ZBTB44: variants seen among roughly 807,000 people sequenced by gnomAD.
ZBTB44 encodes the protein zinc finger and BTB domain-containing protein 44.
ZBTB44 carries 15 observed loss-of-function variants against 54.0 expected under a neutral mutation model. The observed-to-expected ratio is 0.28, with a 90% confidence interval of 0.19 to 0.43. ZBTB44 has a LOEUF of 0.43. ZBTB44 is among the 20% of genes least tolerant of loss of function. The probability of loss-of-function intolerance (pLI) is 1.00; values close to 1 mark genes in which losing one functional copy is unlikely to be tolerated. For missense variants in ZBTB44, 487 were observed against 707.1 expected (o/e 0.69, Z 3.53); for synonymous variants, 230 against 250.1 (o/e 0.92, Z 0.76).
intron 1 of ZBTB44, among the ~76,000 whole-genome samples, chr11:130,268,463 T>A (rs1159642664): frequency 2.0e-5 from 3 of 152,110 alleles, no homozygotes; most frequent in Non-Finnish European, 4.4e-5. Context: ...TTTAAGATAT[T>A]TGAAAAATGT....
rs184994792 is a variant in ZBTB44 at position 130,229,952 on chromosome 11, A to G, written c.*1812T>C. 6.6e-6 allele frequency: 1 copy of G among 152,242 alleles called. No individual in the cohort carries two copies. The highest frequency in any genetic ancestry group is 2.4e-5 in the African/African-American group (1 of 41,570). The allele number at this position is 152,242 out of a possible 1,614,324, so 9.4% of individuals were successfully genotyped here. The stretch of plus-strand genomic sequence containing the variant: ...TCACTTGGATGTGTATTTCAGAATT[A>G]CAGCTTCATACTTTGCAGATGACTG... On this transcript the variant is annotated 3_prime_UTR_variant, in exon 8 of 8. Transcript: ENST00000357899.
chr11:130,241,755 A>T (rs1954372674), intron 2 of ZBTB44, among the ~76,000 whole-genome samples: 1 of 151,696 alleles, frequency 6.6e-6, no homozygotes, highest in African/African-American at 2.4e-5. Context: ...TCTTGTTTTT[A>T]AAAAATCTTT....
In ZBTB44 at chr11:130,233,847, C is replaced by T. The variant is rs566366331; in HGVS notation, c.1686+309G>A. On this transcript the variant is annotated intron_variant, in intron 6 of 7. Coordinates refer to ENST00000357899, the MANE Select transcript of ZBTB44 (RefSeq NM_001301098.2). Reference sequence around the variant, plus strand: ...GAAAAATAAAATCAGTTTCAGGGCTCAGAAAGTAAAAAGGGAAATTCTTTC... The same window carrying T: ...GAAAAATAAAATCAGTTTCAGGGCTTAGAAAGTAAAAAGGGAAATTCTTTC... 1.0e-3 allele frequency: 1,169 copies of T among 1,174,268 alleles called. 8 individuals are homozygous for T. In the African/African-American group the frequency reaches 0.018, roughly 18 times the overall value. The allele number at this position is 1,174,268 out of a possible 1,614,324, so 72.7% of individuals were successfully genotyped here. A position where few individuals can be genotyped will look rare whatever the true frequency, so the allele number is the denominator to read the frequency against.
At chr11:130,296,361 A>C in intron 1 of ZBTB44, 1 of 1,538,204 alleles carries the variant, frequency 6.5e-7, no homozygotes, top group Non-Finnish European at 8.8e-7. Context: ...TATGTCCGTG[A>C]AATACCACTA....
chr11:130,247,597 G>T (rs1373227288), intron 2 of ZBTB44, among the ~76,000 whole-genome samples: 16 of 152,226 alleles, frequency 1.1e-4, no homozygotes, highest in Non-Finnish European at 1.9e-4. Flanking sequence ...ACGATAATGA[G>T]AGGATGAACA....
Position 130,238,425 on chromosome 11 carries a change from A to G in ZBTB44, c.1267+19T>C, listed in dbSNP as rs778774828. 57 of 1,596,922 alleles carry G rather than the reference A, an allele frequency of 3.6e-5. No individual in the cohort carries two copies. The highest frequency in any genetic ancestry group is 4.8e-5 in the Non-Finnish European group (56 of 1,171,718). ...TTTTAGAGCGTTCACTTACGCACCA[A>G]CAGGGAAGGTGACATTACCTGAGTG... On this transcript the variant is annotated intron_variant, in intron 4 of 7. Coordinates refer to ENST00000357899, the MANE Select transcript of ZBTB44 (RefSeq NM_001301098.2).
At chr11:130,288,407 A>T (rs1941105435) in intron 1 of ZBTB44, among the ~76,000 whole-genome samples, 1 of 147,234 alleles carries the variant, frequency 6.8e-6, no homozygotes, top group African/African-American at 2.7e-5. Context: ...AAAATAAAAT[A>T]AAAAAATAAC....
chr11:130,262,879 A>G lies in ZBTB44; in HGVS notation c.-56-950T>C, dbSNP rs1468888017. Reference sequence around the variant, plus strand: ...CCAAGACCAGCCTGGCCAACATGGCAAAACCCTGTCTCTACAAAAAAACAC... The same window carrying G: ...CCAAGACCAGCCTGGCCAACATGGCGAAACCCTGTCTCTACAAAAAAACAC... On this transcript the variant is annotated intron_variant, in intron 1 of 7. Transcript: ENST00000357899. Among the ~76,000 whole-genome samples, 4 of 151,948 alleles carry G rather than the reference A, an allele frequency of 2.6e-5. No homozygotes were observed. In the East Asian group the frequency reaches 7.7e-4, roughly 29 times the overall value.
chr11:130,266,885 A>G (rs1461177401), intron 1 of ZBTB44, among the ~76,000 whole-genome samples: 2 of 152,214 alleles, frequency 1.3e-5, no homozygotes, highest in South Asian at 4.1e-4. Context: ...ATGACAATAA[A>G]TGATTTAGAA....
In ZBTB44 at chr11:130,261,660, A is replaced by G. The variant is rs746031420; in HGVS notation, c.214T>C (p.Leu72=). Residue 72 remains leucine (L), a synonymous_variant, in exon 2 of 8, where the codon TTG becomes CTG. Coordinates refer to ENST00000357899, the MANE Select transcript of ZBTB44 (RefSeq NM_001301098.2). The surrounding 1 kb of genome is among the most constrained non-coding windows in gnomAD (Gnocchi z 4.8). ...GTCACTGTAACATGATGCAGATCCA[A>G]CACATTCTTGTTCTCATCCTCGGCT... is the stretch of plus-strand genomic sequence containing the variant. ...GQAEDENKNV[L]DLHHVTVTGF... The G allele has an allele frequency of 3.1e-6, 5 of 1,614,052 alleles. No homozygotes were observed. The highest frequency in any genetic ancestry group is 3.4e-6 in the Non-Finnish European group (4 of 1,179,900).
intron 6 of ZBTB44, 149 bp downstream of exon 6, chr11:130,234,007 G>C (rs1953999933): frequency 6.6e-7 from 1 of 1,503,772 alleles, no homozygotes; most frequent in Non-Finnish European, 8.9e-7. Flanking sequence ...AATAGTTATA[G>C]AAGACAGCTC....
chr11:130,312,221 T>G (rs1238238188), intron 1 of ZBTB44, among the ~76,000 whole-genome samples: 2 of 152,174 alleles, frequency 1.3e-5, no homozygotes, highest in South Asian at 4.1e-4. Flanking sequence ...TAAAAACCAC[T>G]AAGCAAAAGA....
intron 1 of ZBTB44, chr11:130,285,015 T>A (rs1055792745): frequency 3.2e-5 from 5 of 156,848 alleles, no homozygotes; most frequent in African/African-American, 1.2e-4. Flanking sequence ...CTGACCATAA[T>A]GCAGTCACTG....
intron 2 of ZBTB44, among the ~76,000 whole-genome samples, chr11:130,246,440 T>A (rs924735668): frequency 6.6e-6 from 1 of 152,200 alleles, no homozygotes; most frequent in African/African-American, 2.4e-5. Flanking sequence ...CAGACACTTT[T>A]CACCTTGTGA....
chr11:130,311,065 A>G (rs1485522329), intron 1 of ZBTB44, among the ~76,000 whole-genome samples: 3 of 152,272 alleles, frequency 2.0e-5, no homozygotes, highest in Non-Finnish European at 4.4e-5. Context: ...CACAGTACTC[A>G]TTATACATTC....
chr11:130,269,642 A>C (rs1939527474), intron 1 of ZBTB44, among the ~76,000 whole-genome samples: 1 of 152,232 alleles, frequency 6.6e-6, no homozygotes, highest in Non-Finnish European at 1.5e-5. Context: ...GGGTTGAAAC[A>C]ATTTTGCCAA....
chr11:130,297,706 A>G (rs1368558563), intron 1 of ZBTB44, among the ~76,000 whole-genome samples: 1 of 152,184 alleles, frequency 6.6e-6, no homozygotes, highest in African/African-American at 2.4e-5. Flanking sequence ...TGCTTCCCTC[A>G]TGGTCCTCAG....
chr11:130,313,415 A>G (rs1448212552), intron 1 of ZBTB44, among the ~76,000 whole-genome samples: 1 of 152,238 alleles, frequency 6.6e-6, no homozygotes, highest in Admixed American at 6.5e-5. Flanking sequence ...CGTTCATTAT[A>G]TTCACATTCT....
chr11:130,314,724 G>C lies in ZBTB44; in HGVS notation c.-406C>G, dbSNP rs1272129316. On this transcript the variant is annotated 5_prime_UTR_variant, in exon 1 of 8. Transcript: ENST00000357899. ...CGTTGGGGACGGTTGGCCGAGGGCA[G>C]GCGGTTGTTTGGGGAGCGCGGCGAC... is the stretch of plus-strand genomic sequence containing the variant. 6.6e-6 allele frequency: 1 copy of C among 151,710 alleles called. No homozygotes were observed. The highest frequency in any genetic ancestry group is 1.5e-5 in the Non-Finnish European group (1 of 67,888). 9.4% of individuals were successfully genotyped at this position (151,710 alleles called of 1,614,324 possible). A position where few individuals can be genotyped will look rare whatever the true frequency, so the allele number is the denominator to read the frequency against.
Sources: allele counts gnomAD v4.1 joint callset (sites outside exome capture counted in the v4.1 genomes callset), GRCh38; gene constraint gnomAD v4.1.1; non-coding constraint Gnocchi (gnomAD v3.1); transcripts MANE v1.5; gene names NCBI Gene and HGNC (gene_info 2026-07-23, HGNC 2026-07-21).